CTNND2: variants seen among roughly 807,000 people sequenced by gnomAD.
The protein encoded by CTNND2 is catenin delta 2.
A neutral mutation model predicts 144.4 loss-of-function variants in CTNND2; 22 were observed. The ratio of observed to expected loss-of-function variants is 0.15; its 90% CI spans 0.11 to 0.22. CTNND2 has a LOEUF of 0.22. CTNND2 is among the 10% of genes least tolerant of loss of function. The pLI, the probability that CTNND2 is intolerant of heterozygous loss-of-function variation, is 1.00. For synonymous variants in CTNND2, 751 were observed against 695.6 expected, an observed-to-expected ratio of 1.08 and a Z score of -1.25; for missense variants, 1,353 against 1,618.8, an observed-to-expected ratio of 0.84 and a Z score of 2.82.
At chr5:11,537,537 G>C (rs1774330480) in intron 3 of CTNND2, among the ~76,000 whole-genome samples, 2 of 152,064 alleles carry the variant, frequency 1.3e-5, no homozygotes, top group Admixed American at 1.3e-4. Flanking sequence ...TTTGTGTTGG[G>C]CACTAATATC....
chr5:11,778,397 C>T (rs1790368802), intron 1 of CTNND2, among the ~76,000 whole-genome samples: 1 of 152,116 alleles, frequency 6.6e-6, no homozygotes, highest in Admixed American at 6.5e-5. Context: ...AACAAGTTCT[C>T]CAGGTGATTC....
chr5:11,189,684 G>A (rs1736044960), intron 11 of CTNND2, among the ~76,000 whole-genome samples: 1 of 152,128 alleles, frequency 6.6e-6, no homozygotes, highest in Non-Finnish European at 1.5e-5. Flanking sequence ...TTGTAATTAA[G>A]TTTTGGGGAG....
chr5:11,761,101 G>A (rs1789237302), intron 1 of CTNND2, among the ~76,000 whole-genome samples: 9 of 152,128 alleles, frequency 5.9e-5, no homozygotes, highest in Admixed American at 5.9e-4. Flanking sequence ...CACCAAAGAC[G>A]ATACCGAGTG....
At chr5:11,497,883 GTAATGTGATTCAGCCAA>G (rs1400543503) in intron 3 of CTNND2, among the ~76,000 whole-genome samples, 2 of 152,104 alleles carry the variant, frequency 1.3e-5, no homozygotes, top group African/African-American at 4.8e-5. Flanking sequence ...ACTTTGCCAG[GTAATGTGATTCAGCCAA>G]TGGGATGTGA....
At chr5:11,737,163 GTCCAGCCTAC>G (rs145798646) in intron 1 of CTNND2, among the ~76,000 whole-genome samples, 2,077 of 152,220 alleles carry the variant, frequency 0.014, 19 homozygotes, top group East Asian at 0.057. Context: ...TGCCAGGCTG[GTCCAGCCTAC>G]TCGCCCACTG....
intron 2 of CTNND2, among the ~76,000 whole-genome samples, chr5:11,634,547 G>A (rs1339106624): frequency 6.6e-6 from 1 of 152,092 alleles, no homozygotes; most frequent in South Asian, 2.1e-4. Context: ...TTAAAAACCG[G>A]GGTTCTCAAT....
At chr5:11,895,600 T>A (rs1265337438) in intron 1 of CTNND2, among the ~76,000 whole-genome samples, 1 of 152,142 alleles carries the variant, frequency 6.6e-6, no homozygotes, top group African/African-American at 2.4e-5. Flanking sequence ...CAGTAAAATG[T>A]TTCCTTAAAG....
At chr5:11,243,365 TGTC>T (rs773227369) in intron 9 of CTNND2, among the ~76,000 whole-genome samples, 3 of 152,204 alleles carry the variant, frequency 2.0e-5, no homozygotes, top group Admixed American at 6.5e-5. Flanking sequence ...CGAGTCCATC[TGTC>T]CCACTGAGAT....
intron 16 of CTNND2, among the ~76,000 whole-genome samples, chr5:11,071,707 A>G (rs1748330851): frequency 6.6e-6 from 1 of 151,996 alleles, no homozygotes; most frequent in Non-Finnish European, 1.5e-5. Context: ...CAGACTGGGT[A>G]AGAAGGGGCA....
chr5:11,552,355 T>C (rs540369805), intron 3 of CTNND2, among the ~76,000 whole-genome samples: 1 of 152,352 alleles, frequency 6.6e-6, no homozygotes, highest in South Asian at 2.1e-4. Context: ...TTTTAAATTG[T>C]GTTCTCCCTC....
At chr5:11,301,439 A>G (rs758861386) in intron 9 of CTNND2, among the ~76,000 whole-genome samples, 1 of 152,086 alleles carries the variant, frequency 6.6e-6, no homozygotes, top group Admixed American at 6.5e-5. Flanking sequence ...TGTGATTCCA[A>G]CACTATGTGG....
intron 2 of CTNND2, among the ~76,000 whole-genome samples, chr5:11,574,613 G>A (rs1777832999): frequency 6.6e-6 from 1 of 152,004 alleles, no homozygotes; most frequent in Admixed American, 6.6e-5. Flanking sequence ...GAATTATTAT[G>A]TCCAACCACA....
At chr5:11,317,199 G>T (rs1175887748) in intron 9 of CTNND2, among the ~76,000 whole-genome samples, 1 of 152,096 alleles carries the variant, frequency 6.6e-6, no homozygotes, top group African/African-American at 2.4e-5. Flanking sequence ...AAGAAACTGA[G>T]GCTCAATGAG....
At chr5:10,975,449 T>TCCAC (rs890831419) in intron 21 of CTNND2, among the ~76,000 whole-genome samples, 7 of 152,332 alleles carry the variant, frequency 4.6e-5, no homozygotes, top group African/African-American at 1.4e-4. Flanking sequence ...TGTCTTCCTA[T>TCCAC]CCACCCACCA....
intron 1 of CTNND2, among the ~76,000 whole-genome samples, chr5:11,818,387 T>C (rs1057079102): frequency 2.8e-5 from 4 of 145,046 alleles, no homozygotes; most frequent in African/African-American, 1.0e-4. Context: ...TCTTCTTTTC[T>C]TTTTTTTTTT....
intron 12 of CTNND2, among the ~76,000 whole-genome samples, chr5:11,132,989 G>C (rs572980715): frequency 8.2e-4 from 125 of 152,158 alleles, no homozygotes; most frequent in African/African-American, 2.9e-3. Context: ...AACTCGGCCA[G>C]AGATTACTGT....
chr5:11,621,610 T>C (rs995686782), intron 2 of CTNND2, among the ~76,000 whole-genome samples: 4 of 152,116 alleles, frequency 2.6e-5, no homozygotes, highest in African/African-American at 9.7e-5. Context: ...ACAAATACAA[T>C]ATGGTACAGT....
chr5:11,761,895 T>C (rs962492810), intron 1 of CTNND2, among the ~76,000 whole-genome samples: 123 of 152,206 alleles, frequency 8.1e-4, no homozygotes, highest in African/African-American at 2.9e-3. Context: ...ATGGGCAAAT[T>C]TGGAAAACTA....
intron 2 of CTNND2, among the ~76,000 whole-genome samples, chr5:11,688,264 G>A (rs937058753): frequency 6.6e-6 from 1 of 152,120 alleles, no homozygotes; most frequent in Non-Finnish European, 1.5e-5. Context: ...TTATGGCACA[G>A]CAGTCCCCCA....
Sources: gnomAD v4.1 joint callset for allele counts (sites outside exome capture counted in the v4.1 genomes callset) on GRCh38, gnomAD v4.1.1 for gene constraint, MANE v1.5 for transcripts, NCBI Gene and HGNC (gene_info 2026-07-23, HGNC 2026-07-21) for gene names.